The following CFI variants were observed in gnomAD, a reference collection of about 807,000 sequenced individuals.
The protein encoded by CFI is C3B/C4B inactivator.
CFI carries 66 observed loss-of-function variants against 78.8 expected under a neutral mutation model. That is an observed-to-expected ratio of 0.84 (90% CI 0.69 to 1.03). The LOEUF (loss-of-function observed/expected upper bound fraction) is 1.03, where lower values mean the gene tolerates loss of function less well. Ranked by LOEUF, CFI falls within the 50% of genes least tolerant of loss-of-function variation. The pLI, the probability that CFI is intolerant of heterozygous loss-of-function variation, is 0.00. For missense variants in CFI, 706 were observed against 704.5 expected, an observed-to-expected ratio of 1.00 and a Z score of -0.02; for synonymous variants, 250 against 232.6, an observed-to-expected ratio of 1.07 and a Z score of -0.68.
chr4:109,738,112 C>CTT (rs141891533), downstream of CFI, among the ~76,000 whole-genome samples: 1 of 130,256 alleles, frequency 7.7e-6, no homozygotes, highest in African/African-American at 2.9e-5. Context: ...GAGTACTTTT[C>CTT]TTTTTTTTTT....
chr4:109,777,598 C>A (rs1179363239), intron 1 of CFI, among the ~76,000 whole-genome samples: 5 of 152,032 alleles, frequency 3.3e-5, no homozygotes, highest in African/African-American at 4.8e-5. Flanking sequence ...ACAAGGATAT[C>A]CAGGAATTGA....
intron 6 of CFI, chr4:109,758,004 T>C (rs906702204): frequency 7.4e-7 from 1 of 1,352,514 alleles, no homozygotes; most frequent in East Asian, 2.5e-5. Context: ...GAGATCATTT[T>C]GATTTGAATA....
At chr4:109,754,571 G>C (rs1022261391) in intron 7 of CFI, among the ~76,000 whole-genome samples, 3 of 151,782 alleles carry the variant, frequency 2.0e-5, no homozygotes, top group Non-Finnish European at 4.4e-5. Flanking sequence ...ATGTTGCTCT[G>C]TCATGGATGA....
At position 109,749,305 on chromosome 4, in the gene CFI, T is replaced by C. The variant is rs1445382844; in HGVS notation, c.1061A>G (p.Gln354Arg). 1 of 1,614,008 alleles carries C rather than the reference T, an allele frequency of 6.2e-7. No individual in the cohort carries two copies. Among genetic ancestry groups the C allele is most frequent in the Non-Finnish European group, 8.5e-7 (1 of 1,179,856 alleles). Reference sequence around the variant, plus strand: ...TCCACTGGCATCCTTAATTGCCACCTGCCATGGGAGGTCTCCCTGTAAAAG... The same window carrying C: ...TCCACTGGCATCCTTAATTGCCACCCGCCATGGGAGGTCTCCCTGTAAAAG... Reference protein sequence around the residue: ...KRAQLGDLPWQVAIKDASGIT... With the variant: ...KRAQLGDLPWRVAIKDASGIT... Residue 354 changes from glutamine to arginine, a missense_variant, in exon 10 of 13, where the codon CAG (glutamine) becomes CGG (arginine). Gln to Arg is a conservative substitution (Grantham distance 43). Coordinates refer to ENST00000394634, the MANE Select transcript of CFI (RefSeq NM_000204.5).
At chr4:109,790,288 C>T (rs1731220248) in intron 1 of CFI, among the ~76,000 whole-genome samples, 1 of 151,822 alleles carries the variant, frequency 6.6e-6, no homozygotes, top group African/African-American at 2.4e-5. Flanking sequence ...TATTGTCTTA[C>T]TATATATTTT....
At position 109,746,393 on chromosome 4, in the gene CFI, T is replaced by C; in HGVS notation, c.1258A>G (p.Asn420Asp). The C allele has an allele frequency of 6.2e-7, 1 of 1,614,178 alleles. No individual in the cohort carries two copies. Among genetic ancestry groups the C allele is most frequent in the Non-Finnish European group, 8.5e-7 (1 of 1,180,028 alleles). Residue 420 changes from asparagine to aspartate, a missense_variant, in exon 11 of 13, where the codon AAC becomes GAC. By Grantham distance (23) the Asn-to-Asp change is conservative. Transcript: ENST00000394634. ...EYVDRIIFHE[N>D]YNAGTYQNDI... ...TTTTGGTAAGTGCCTGCATTGTAGT[T>C]TTCATGGAAAATAATTCTATCCACG...
chr4:109,773,391 A>G (rs1728830798), intron 1 of CFI, among the ~76,000 whole-genome samples: 1 of 152,046 alleles, frequency 6.6e-6, no homozygotes, highest in South Asian at 2.1e-4. Context: ...TGGCGTGTGC[A>G]TGTAATCCCA....
At chr4:109,769,383 C>T (rs1159153612) in intron 1 of CFI, among the ~76,000 whole-genome samples, 1 of 152,180 alleles carries the variant, frequency 6.6e-6, no homozygotes, top group African/African-American at 2.4e-5. Flanking sequence ...AGATGAAAGC[C>T]TCTCCTTCCT....
At position 109,781,961 on chromosome 4, in the gene CFI, G is replaced by A. The variant is rs140372732; in HGVS notation, c.58-15137C>T. On this transcript the variant is annotated intron_variant, in intron 1 of 12. Coordinates refer to ENST00000394634, the MANE Select transcript of CFI (RefSeq NM_000204.5). ...AAAGCATTCGACAAAATCTAACATCGCTTTAGGATTAAAACTCTCAGCAAA... is the reference window on the plus strand; with the variant it reads ...AAAGCATTCGACAAAATCTAACATCACTTTAGGATTAAAACTCTCAGCAAA... Among the ~76,000 whole-genome samples, 798 of 152,012 alleles carry A rather than the reference G, an allele frequency of 5.2e-3. 11 individuals carry two copies. The highest frequency in any genetic ancestry group is 0.018 in the African/African-American group (761 of 41,466).
chr4:109,761,757 G>T (rs978845860), intron 3 of CFI, 65 bp from the exon 4 acceptor site: 1 of 1,339,694 alleles, frequency 7.5e-7, no homozygotes, highest in Non-Finnish European at 1.1e-6. Flanking sequence ...TAACCCTACT[G>T]TAGCAGGTAA....
intron 3 of CFI, chr4:109,761,992 C>A (rs978556785): frequency 1.1e-5 from 4 of 349,706 alleles, no homozygotes; most frequent in African/African-American, 2.1e-5. Context: ...GAGTTCGAGA[C>A]CAGCCTGGCC....
intron 1 of CFI, among the ~76,000 whole-genome samples, chr4:109,784,932 G>A (rs559630224): frequency 6.6e-6 from 1 of 152,006 alleles, no homozygotes; most frequent in African/African-American, 2.4e-5. Flanking sequence ...ATTGTGATCT[G>A]TTCCTGCCCC....
intron 1 of CFI, among the ~76,000 whole-genome samples, chr4:109,771,074 T>C (rs1254044602): frequency 6.6e-6 from 1 of 152,014 alleles, no homozygotes; most frequent in African/African-American, 2.4e-5. Flanking sequence ...TAAGATCTGA[T>C]GTCCTTATGC....
downstream of CFI, among the ~76,000 whole-genome samples, chr4:109,735,952 C>G (rs187918422): frequency 5.9e-5 from 9 of 152,304 alleles, no homozygotes; most frequent in South Asian, 1.9e-3. Flanking sequence ...TACACATGAC[C>G]GTTGCTGTGC....
At chr4:109,734,871 T>C in the CFI span, among the ~76,000 whole-genome samples, 1 of 152,162 alleles carries the variant, frequency 6.6e-6, no homozygotes, top group East Asian at 1.9e-4. Flanking sequence ...ATATAAAATA[T>C]ACTATATTTG....
chr4:109,752,378 T>C (rs1725248322), intron 8 of CFI, 90 bp downstream of exon 8: 1 of 1,118,178 alleles, frequency 8.9e-7, no homozygotes. Flanking sequence ...AAACTACTTG[T>C]TGCTTGAATC....
intron 1 of CFI, among the ~76,000 whole-genome samples, chr4:109,801,412 C>T (rs1264546566): frequency 6.6e-6 from 1 of 152,140 alleles, no homozygotes; most frequent in Non-Finnish European, 1.5e-5. Flanking sequence ...AGTGATTTGT[C>T]CTCTCATTGA....
intron 1 of CFI, among the ~76,000 whole-genome samples, chr4:109,790,825 C>T (rs1345230185): frequency 6.6e-6 from 1 of 152,164 alleles, no homozygotes; most frequent in African/African-American, 2.4e-5. Context: ...ATATGTACCA[C>T]ATTTTCTTTA....
At chr4:109,773,551 C>T (rs1728850401) in intron 1 of CFI, among the ~76,000 whole-genome samples, 1 of 152,110 alleles carries the variant, frequency 6.6e-6, no homozygotes, top group African/African-American at 2.4e-5. Context: ...GTTTTAGCCA[C>T]TGAGAGTTGG....
Sources: allele counts gnomAD v4.1 joint callset (sites outside exome capture counted in the v4.1 genomes callset), GRCh38; gene constraint gnomAD v4.1.1; transcripts MANE v1.5; gene names NCBI Gene and HGNC (gene_info 2026-07-23, HGNC 2026-07-21).